The following PHACTR2 variants were observed in gnomAD, a reference collection of about 807,000 sequenced individuals.
PHACTR2 encodes chromosome 6 open reading frame 56.
PHACTR2 carries 30 observed loss-of-function variants against 76.0 expected under a neutral mutation model. The ratio of observed to expected loss-of-function variants is 0.39; its 90% CI spans 0.30 to 0.54. The LOEUF (loss-of-function observed/expected upper bound fraction) is 0.54. PHACTR2 is among the 20% of genes least tolerant of loss of function. PHACTR2 has a pLI of 0.61. For missense variants in PHACTR2, 696 were observed against 781.1 expected (o/e 0.89, Z 1.30); for synonymous variants, 292 against 292.5 (o/e 1.00, Z 0.02).
At chr6:143,565,254 A>G (rs1775345672) in intron 1 of PHACTR2, among the ~76,000 whole-genome samples, 1 of 152,258 alleles carries the variant, frequency 6.6e-6, no homozygotes, top group South Asian at 2.1e-4. Context: ...CACATCATAC[A>G]AAAATACATA....
At chr6:143,593,458 C>A (rs1244042373) in intron 1 of PHACTR2, among the ~76,000 whole-genome samples, 1 of 152,070 alleles carries the variant, frequency 6.6e-6, no homozygotes, top group African/African-American at 2.4e-5. Flanking sequence ...CAAATAGTTA[C>A]AGAAGAGACT....
chr6:143,605,668 AT>A, upstream of PHACTR2, among the ~76,000 whole-genome samples: 1 of 151,956 alleles, frequency 6.6e-6, no homozygotes, highest in Middle Eastern at 3.4e-3. The surrounding 1 kb of genome is among the most constrained non-coding windows in gnomAD (Gnocchi z 5.0). Flanking sequence ...CTCAACATTA[AT>A]TTTCTGATTT....
chr6:143,780,145 A>G lies in PHACTR2; in HGVS notation c.1645+2762A>G, dbSNP rs914575687. Among the ~76,000 whole-genome samples the G allele has an allele frequency of 6.6e-6, 1 of 152,148 alleles. No individual in the cohort carries two copies. Among genetic ancestry groups the G allele is most frequent in the Non-Finnish European group, 1.5e-5 (1 of 68,030 alleles). On this transcript the variant is annotated intron_variant, in intron 9 of 12. Transcript: ENST00000440869. The surrounding 1 kb of genome is among the most constrained non-coding windows in gnomAD (Gnocchi z 4.4). ...ATATATTTTTCCCCAACATTTTATTATGAAAATTTTTAAACATGAAGAAAA... is the reference window on the plus strand; with the variant it reads ...ATATATTTTTCCCCAACATTTTATTGTGAAAATTTTTAAACATGAAGAAAA...
Position 143,585,965 on chromosome 6 carries a change from G to C in PHACTR2, c.217+48758G>C, listed in dbSNP as rs1775625577. On this transcript the variant is annotated intron_variant, in intron 1 of 11. Coordinates refer to the PHACTR2 transcript ENST00000367584. The surrounding 1 kb of genome is among the most constrained non-coding windows in gnomAD (Gnocchi z 5.2). ...ATAAACTTTGGAAACACATTATCAT[G>C]TGCTTGGATGAGACCCTGGCCTTAT... 6.6e-6 allele frequency among the ~76,000 whole-genome samples: 1 copy of C among 152,188 alleles called. No homozygotes were observed.
intron 2 of PHACTR2, among the ~76,000 whole-genome samples, chr6:143,718,556 A>G (rs1230526230): frequency 6.6e-6 from 1 of 152,182 alleles, no homozygotes; most frequent in Non-Finnish European, 1.5e-5. Flanking sequence ...CTCACACATT[A>G]GTTTTTGCTG....
chr6:143,764,572 A>C lies in PHACTR2; in HGVS notation c.695-689A>C, dbSNP rs1245463128. ...CATGTAAATAGGTTTTGTAAACAAC[A>C]AGTTTTTTTCTGGCCTTTTGATGCT... On this transcript the variant is annotated intron_variant, in intron 5 of 12. Coordinates refer to ENST00000440869, the MANE Select transcript of PHACTR2 (RefSeq NM_001100164.2). The surrounding 1 kb of genome is among the most constrained non-coding windows in gnomAD (Gnocchi z 4.7). Among the ~76,000 whole-genome samples, 7 of 151,840 alleles carry C rather than the reference A, an allele frequency of 4.6e-5. No individual in the cohort carries two copies. Among genetic ancestry groups the C allele is most frequent in the African/African-American group, 1.5e-4 (6 of 41,334 alleles).
chr6:143,705,010 T>C (rs1031106667), intron 1 of PHACTR2, among the ~76,000 whole-genome samples: 1 of 151,898 alleles, frequency 6.6e-6, no homozygotes, highest in Non-Finnish European at 1.5e-5. Flanking sequence ...GCATTTTTAG[T>C]AGAGACAGGG....
At chr6:143,662,000 T>C (rs188604426) in intron 1 of PHACTR2, among the ~76,000 whole-genome samples, 72 of 152,316 alleles carry the variant, frequency 4.7e-4, no homozygotes, top group Admixed American at 7.2e-4. Flanking sequence ...GCACATTTTG[T>C]ATATGTACTT....
intron 3 of PHACTR2, among the ~76,000 whole-genome samples, chr6:143,752,010 T>C (rs1779192772): frequency 6.6e-6 from 1 of 152,192 alleles, no homozygotes; most frequent in Admixed American, 6.5e-5. Context: ...TAACTAGCTT[T>C]ATTTCATGCC....
intron 1 of PHACTR2, among the ~76,000 whole-genome samples, chr6:143,584,850 A>G (rs1415864029): frequency 2.6e-5 from 4 of 152,060 alleles, no homozygotes; most frequent in Non-Finnish European, 5.9e-5. Flanking sequence ...TGGGCAGGTA[A>G]TAAAGATTAG....
intron 1 of PHACTR2, among the ~76,000 whole-genome samples, chr6:143,587,843 G>A (rs9496689): frequency 0.021 from 3,162 of 151,766 alleles, 118 homozygotes; most frequent in African/African-American, 0.069. Flanking sequence ...GAGAAACCCC[G>A]TCTCTACTAA....
At position 143,554,621 on chromosome 6, in the gene PHACTR2, G is replaced by A. The variant is rs12529563; in HGVS notation, c.217+17414G>A. 0.19 allele frequency: 28,810 copies of A among 152,074 alleles called. 2,726 individuals are homozygous for A. Among genetic ancestry groups the A allele is most frequent in the Middle Eastern group, 0.29 (86 of 294 alleles). The allele number at this position is 152,074 out of a possible 1,614,324, so 9.4% of individuals were successfully genotyped here. A position where few individuals can be genotyped will look rare whatever the true frequency, so the allele number is the denominator to read the frequency against. On this transcript the variant is annotated intron_variant, in intron 1 of 11. Transcript: ENST00000367584. This position sits in a 1 kb window ranked among gnomAD's most constrained non-coding sequence, Gnocchi z 5.9. ...GTGAAGGGCTAAGGAACTCGATTGAGGGTGGGAGTTCTCGGTAAACCAATT... is the reference window on the plus strand; with the variant it reads ...GTGAAGGGCTAAGGAACTCGATTGAAGGTGGGAGTTCTCGGTAAACCAATT...
At chr6:143,560,887 G>GTT (rs1003365107) in intron 1 of PHACTR2, among the ~76,000 whole-genome samples, 15 of 66,484 alleles carry the variant, frequency 2.3e-4, no homozygotes, top group Admixed American at 5.3e-4. Flanking sequence ...AGAGGGGTGT[G>GTT]TGTGTGTGTG....
upstream of PHACTR2, among the ~76,000 whole-genome samples, chr6:143,674,883 T>G (rs1777214027): frequency 6.6e-6 from 1 of 152,254 alleles, no homozygotes. The surrounding 1 kb of genome is among the most constrained non-coding windows in gnomAD (Gnocchi z 4.9). Flanking sequence ...GTTGTATGTC[T>G]GCCATTTGGA....
rs964825663 is a variant in PHACTR2 at position 143,581,480 on chromosome 6, A to C, written c.217+44273A>C. ...GGTTACTCAGTGAGACCTGGGAAGG[A>C]GAGAAGGGACCTTTTCTGCAGACGG... is the stretch of plus-strand genomic sequence containing the variant. On this transcript the variant is annotated intron_variant, in intron 1 of 11. Coordinates refer to the PHACTR2 transcript ENST00000367584. The surrounding 1 kb of genome is among the most constrained non-coding windows in gnomAD (Gnocchi z 4.5). Among the ~76,000 whole-genome samples, 3 of 152,132 alleles carry C rather than the reference A, an allele frequency of 2.0e-5. No individual in the cohort carries two copies. Among genetic ancestry groups the C allele is most frequent in the African/African-American group, 7.2e-5 (3 of 41,424 alleles).
intron 12 of PHACTR2, among the ~76,000 whole-genome samples, chr6:143,808,620 T>C (rs1776113011): frequency 6.6e-6 from 1 of 152,196 alleles, no homozygotes; most frequent in Non-Finnish European, 1.5e-5. Context: ...CCATTTTCTA[T>C]CAGGGACTTG....
chr6:143,772,499 A>G lies in PHACTR2; in HGVS notation c.1432+42A>G, dbSNP rs1775181053. The G allele has an allele frequency of 7.2e-7, 1 of 1,392,184 alleles. No individual in the cohort carries two copies. Among genetic ancestry groups the G allele is most frequent in the Non-Finnish European group, 1.0e-6 (1 of 988,170 alleles). The allele number at this position is 1,392,184 out of a possible 1,614,324, so 86.2% of individuals were successfully genotyped here. On this transcript the variant is annotated intron_variant, in intron 7 of 12. Coordinates refer to ENST00000440869, the MANE Select transcript of PHACTR2 (RefSeq NM_001100164.2). This position sits in a 1 kb window ranked among gnomAD's most constrained non-coding sequence, Gnocchi z 5.4. ...GAGGCAGGGAGGAGCGTGGGTGATA[A>G]GCAGAAGCAGCTGCAGTTTATAAAG...
At chr6:143,693,223 C>T (rs902441673) in intron 1 of PHACTR2, among the ~76,000 whole-genome samples, 1 of 151,766 alleles carries the variant, frequency 6.6e-6, no homozygotes, top group African/African-American at 2.4e-5. Context: ...TAGTAGTGTC[C>T]TTTTTTTGTT....
chr6:143,826,165 G>A lies in PHACTR2; in HGVS notation c.*2476G>A, dbSNP rs986274036. 5 of 152,130 alleles carry A rather than the reference G, an allele frequency of 3.3e-5. No homozygotes were observed. The highest frequency in any genetic ancestry group is 7.3e-5 in the Non-Finnish European group (5 of 68,034). 9.4% of individuals were successfully genotyped at this position (152,130 alleles called of 1,614,324 possible). A position where few individuals can be genotyped will look rare whatever the true frequency, so the allele number is the denominator to read the frequency against. On this transcript the variant is annotated 3_prime_UTR_variant, in exon 13 of 13. Transcript: ENST00000440869. ...TAAAAAGCTGTGGAAAGAATTAAAG[G>A]ATTATGAGCTAAGCTGTATTTTGCA...
Sources: allele counts gnomAD v4.1 joint callset (sites outside exome capture counted in the v4.1 genomes callset), GRCh38; gene constraint gnomAD v4.1.1; non-coding constraint Gnocchi (gnomAD v3.1); transcripts MANE v1.5; gene names NCBI Gene and HGNC (gene_info 2026-07-23, HGNC 2026-07-21).